MROH1: variants seen among roughly 807,000 people sequenced by gnomAD.
MROH1 encodes the protein maestro heat like repeat family member 1.
Under a neutral mutation model 116.5 loss-of-function variants are expected in MROH1, and 117 were observed. The observed-to-expected ratio is 1.00, with a 90% confidence interval of 0.86 to 1.17. The LOEUF (loss-of-function observed/expected upper bound fraction) is 1.17, where lower values mean the gene tolerates loss of function less well. MROH1 is among the 50% of genes most tolerant of loss of function. The probability of loss-of-function intolerance (pLI) is 0.00; values close to 1 mark genes in which losing one functional copy is unlikely to be tolerated. For missense variants in MROH1, 1,873 were observed against 1,338.5 expected (o/e 1.40, Z -6.23); for synonymous variants, 921 against 583.9 (o/e 1.58, Z -8.32).
At chr8:144,255,885 G>A (rs1188624908) in intron 35 of MROH1, among the ~76,000 whole-genome samples, 180 bp downstream of exon 35, 8 of 151,934 alleles carry the variant, frequency 5.3e-5, no homozygotes, top group Admixed American at 2.0e-4. Flanking sequence ...TGACATCCAT[G>A]GCCACCCTTC....
At chr8:144,222,508 G>GCAGGTACAGGTACATC (rs1554819340) in intron 13 of MROH1, among the ~76,000 whole-genome samples, 13 of 152,152 alleles carry the variant, frequency 8.5e-5, no homozygotes, top group Non-Finnish European at 1.8e-4. Flanking sequence ...AGGTGCAGGT[G>GCAGGTACAGGTACATC]CAGGTACAGG....
chr8:144,234,891 C>CT (rs781998549), intron 14 of MROH1, among the ~76,000 whole-genome samples: 7,642 of 103,468 alleles, frequency 0.074, 728 homozygotes, highest in African/African-American at 0.17. Context: ...CTTTTTCTTT[C>CT]TTTTTTTTTT....
intron 3 of MROH1, among the ~76,000 whole-genome samples, chr8:144,167,572 TGGGGTGGAGTGGCTGGTTGTC>T (rs1564377827): frequency 6.6e-6 from 1 of 150,734 alleles, no homozygotes; most frequent in Non-Finnish European, 1.5e-5. Flanking sequence ...GACTGGTTGT[TGGGGTGGAGTGGCTGGTTGTC>T]GGGGTGGAGC....
intron 28 of MROH1, among the ~76,000 whole-genome samples, chr8:144,244,822 C>T (rs1399639278): frequency 3.3e-5 from 5 of 152,196 alleles, no homozygotes; most frequent in South Asian, 2.1e-4. Flanking sequence ...GACTGGGGGC[C>T]GCTACCAGGG....
chr8:144,165,750 T>TTG (rs1257291801), intron 3 of MROH1, among the ~76,000 whole-genome samples: 1 of 151,208 alleles, frequency 6.6e-6, no homozygotes, highest in African/African-American at 2.4e-5. Context: ...TTTTGTATTT[T>TTG]TTTTTTTTTT....
chr8:144,234,404 T>A (rs951170931), intron 14 of MROH1, among the ~76,000 whole-genome samples: 1 of 151,860 alleles, frequency 6.6e-6, no homozygotes, highest in South Asian at 2.1e-4. Flanking sequence ...GTAGTTTTCA[T>A]AGTATACGTT....
intron 14 of MROH1, among the ~76,000 whole-genome samples, chr8:144,224,160 G>A (rs1055545517): frequency 6.6e-6 from 1 of 152,110 alleles, no homozygotes; most frequent in Non-Finnish European, 1.5e-5. Context: ...TTTGGGAGTT[G>A]GAGGTTTCTT....
intron 3 of MROH1, among the ~76,000 whole-genome samples, chr8:144,166,675 G>A (rs1024787524): frequency 6.6e-6 from 1 of 152,044 alleles, no homozygotes; most frequent in African/African-American, 2.4e-5. Flanking sequence ...TGGAGGTGGG[G>A]TGGTGAGAAG....
chr8:144,204,873 T>C (rs1442947775), intron 12 of MROH1, among the ~76,000 whole-genome samples: 1 of 152,226 alleles, frequency 6.6e-6, no homozygotes, highest in African/African-American at 2.4e-5. Context: ...CAGTTAGTGT[T>C]TACCTAGATG....
chr8:144,206,027 C>T (rs1289405331), intron 12 of MROH1, among the ~76,000 whole-genome samples: 1 of 152,162 alleles, frequency 6.6e-6, no homozygotes, highest in East Asian at 1.9e-4. Flanking sequence ...CAGCTAACAC[C>T]TACACCTACT....
At position 144,254,962 on chromosome 8, in the gene MROH1, C is replaced by T. The variant is rs908348480; in HGVS notation, c.3578C>T (p.Thr1193Met). ...LLGRTPDRVATLLPLSATCAL... is the reference protein window; with the variant it reads ...LLGRTPDRVAMLLPLSATCAL... Reference sequence around the variant, plus strand: ...GGCCGCACCCCAGACCGCGTGGCCACGCTGCTGCCTCTCTCGGTGAGTCGG... The same window carrying T: ...GGCCGCACCCCAGACCGCGTGGCCATGCTGCTGCCTCTCTCGGTGAGTCGG... Residue 1193 changes from threonine (T) to methionine (M), a missense_variant, in exon 34 of 44, where the codon ACG (threonine) becomes ATG (methionine). Thr to Met is a moderately conservative substitution (Grantham distance 81). Coordinates refer to ENST00000326134, the MANE Select transcript of MROH1 (RefSeq NM_032450.3). 274 of 768,946 alleles carry T rather than the reference C, an allele frequency of 3.6e-4. No individual in the cohort carries two copies. Among genetic ancestry groups the T allele is most frequent in the African/African-American group, 3.3e-3 (194 of 58,968 alleles). 47.6% of individuals were successfully genotyped at this position (768,946 alleles called of 1,614,324 possible). A position where few individuals can be genotyped will look rare whatever the true frequency, so the allele number is the denominator to read the frequency against.
In MROH1 at chr8:144,180,425, C is replaced by T. The variant is rs770189724; in HGVS notation, c.464C>T (p.Ala155Val). The T allele has an allele frequency of 5.6e-6, 9 of 1,612,922 alleles. No homozygotes were observed. The highest frequency in any genetic ancestry group is 4.5e-5 in the East Asian group (2 of 44,884). The change falls in exon 7 of 44, where the codon GCG becomes GTG. Residue 155 changes from alanine to valine, a missense_variant and splice_region_variant. Physicochemically the swap from Ala to Val is moderately conservative, Grantham distance 64 (BLOSUM62 0). Transcript: ENST00000326134. This position sits in a 1 kb window ranked among gnomAD's most constrained non-coding sequence, Gnocchi z 7.4. ...CCTTTGACGGTGTCCTCTCTCACAG[C>T]GTTCGGCGTAGTCCCCTTCCTGCCA... ...HTLASLSVAN[A>V]FGVVPFLPSV...
chr8:144,239,721 A>G lies in MROH1; in HGVS notation c.1740A>G (p.Glu580=), dbSNP rs1010831280. 4.7e-3 allele frequency: 3,397 copies of G among 722,172 alleles called. 57 individuals carry two copies. The highest frequency in any genetic ancestry group is 0.046 in the African/African-American group (2,653 of 57,568). The allele number at this position is 722,172 out of a possible 1,614,324, so 44.7% of individuals were successfully genotyped here. ...ACCCTTTGCTGGGTCAGCATTGGGA[A>G]ACGACTGTCCCGCTGCTGCTGGGGT... ...NIHPLLGQHW[E]TTVPLLLGYL... Residue 580 remains glutamate (E), a synonymous_variant, in exon 18 of 44, where the codon GAA becomes GAG. Coordinates refer to ENST00000326134, the MANE Select transcript of MROH1 (RefSeq NM_032450.3).
intron 14 of MROH1, among the ~76,000 whole-genome samples, chr8:144,229,300 C>T (rs1838385739): frequency 6.6e-6 from 1 of 152,130 alleles, no homozygotes; most frequent in Middle Eastern, 3.2e-3. Flanking sequence ...GAATCCTTCC[C>T]AGAAGGTTTT....
At chr8:144,184,506 A>G (rs1352451068) in intron 7 of MROH1, among the ~76,000 whole-genome samples, 1 of 152,252 alleles carries the variant, frequency 6.6e-6, no homozygotes, top group Non-Finnish European at 1.5e-5. Context: ...AAGAGGCGAA[A>G]GGGAGAAAGG....
Position 144,260,951 on chromosome 8 carries a change from TGAG to T in MROH1, c.4585_4587del (p.Glu1529del). ...GCATGTGTGGCCCCAATCTGGCATG[TGAG>T]GAGCTCTCAGCTGCTTTCCAGAAAC... On this transcript the variant is annotated inframe_deletion, in exon 41 of 44. Transcript: ENST00000326134. The T allele has an allele frequency of 1.3e-6, 1 of 777,516 alleles. No individual in the cohort carries two copies. Among genetic ancestry groups the T allele is most frequent in the South Asian group, 1.3e-5 (1 of 74,548 alleles). The allele number at this position is 777,516 out of a possible 1,614,324, so 48.2% of individuals were successfully genotyped here.
At position 144,180,581 on chromosome 8, in the gene MROH1, C is replaced by T. The variant is rs980770744; in HGVS notation, c.562+58C>T. 3.2e-5 allele frequency: 49 copies of T among 1,532,284 alleles called. No individual in the cohort carries two copies. Among genetic ancestry groups the T allele is most frequent in the South Asian group, 1.5e-4 (13 of 88,326 alleles). The allele number at this position is 1,532,284 out of a possible 1,614,324, so 94.9% of individuals were successfully genotyped here. On this transcript the variant is annotated intron_variant, in intron 7 of 43. Coordinates refer to ENST00000326134, the MANE Select transcript of MROH1 (RefSeq NM_032450.3). This position sits in a 1 kb window ranked among gnomAD's most constrained non-coding sequence, Gnocchi z 7.4. ...GTGCCCCTTTGTGGGGGGCTGTTCC[C>T]GGGCATGCCTGTTTTAGGGGGGACA...
Position 144,261,299 on chromosome 8 carries a change from A to C in MROH1, c.4790A>C (p.His1597Pro). The C allele has an allele frequency of 1.4e-6, 1 of 732,104 alleles. No homozygotes were observed. The highest frequency in any genetic ancestry group is 2.5e-6 in the Non-Finnish European group (1 of 403,606). 45.4% of individuals were successfully genotyped at this position (732,104 alleles called of 1,614,324 possible). ...APLFTGFLVL[H>P]SEPRQQPQVD... ...CACTTCACAGGGTTCCTGGTGCTGC[A>C]CTCGGAGCCCAGGCAGCAGCCGCAG... Residue 1597 changes from histidine to proline, a missense_variant, in exon 43 of 44, where the codon CAC becomes CCC. Transcript: ENST00000326134.
At chr8:144,261,600 G>C in intron 43 of MROH1, 55 bp from the exon 44 acceptor site, 1 of 701,256 alleles carries the variant, frequency 1.4e-6, no homozygotes. Context: ...CCCACGCGCA[G>C]GCATGGGCAT....
Sources: gnomAD v4.1 joint callset for allele counts (sites outside exome capture counted in the v4.1 genomes callset) on GRCh38, gnomAD v4.1.1 for gene constraint, Gnocchi (gnomAD v3.1) non-coding constraint, MANE v1.5 for transcripts, NCBI Gene and HGNC (gene_info 2026-07-23, HGNC 2026-07-21) for gene names.